CRTAC1: variants seen among roughly 807,000 people sequenced by gnomAD.
CRTAC1 encodes the protein acidic secreted protein in cartilage.
In CRTAC1, 37 loss-of-function variants were observed where a neutral mutation model predicts 67.8. That is an observed-to-expected ratio of 0.55 (90% CI 0.42 to 0.72). The LOEUF (loss-of-function observed/expected upper bound fraction) is 0.72, where lower values mean the gene tolerates loss of function less well. Among genes scored for constraint, CRTAC1 ranks in the 30% least tolerant of loss-of-function variants. The pLI, the probability that CRTAC1 is intolerant of heterozygous loss-of-function variation, is 0.00. For synonymous variants in CRTAC1, 348 were observed against 371.0 expected (o/e 0.94, Z 0.71); for missense variants, 780 against 931.6 (o/e 0.84, Z 2.12).
chr10:97,868,665 G>A (rs1237902014), intron 14 of CRTAC1: 1 of 152,232 alleles, frequency 6.6e-6, no homozygotes, highest in Non-Finnish European at 1.5e-5. Context: ...TCTCTAATAT[G>A]AGGGCAGGTT....
rs568641019 is a variant in CRTAC1, at chr10:97,938,195, G to A, written c.225-1829C>T. On this transcript the variant is annotated intron_variant, in intron 2 of 14. Transcript: ENST00000370597. ...TGTCTGAGGGCTGCATGTCCAGGGC[G>A]TGGCATGACCTATGGAGACGTGTCT... is the stretch of plus-strand genomic sequence containing the variant. Among the ~76,000 whole-genome samples the A allele has an allele frequency of 3.3e-5, 5 of 152,280 alleles. No individual in the cohort carries two copies. In the South Asian group the frequency reaches 8.3e-4, roughly 25 times the overall value.
chr10:98,005,100 A>ATATATATATTTTTTTTTT, intron 2 of CRTAC1, among the ~76,000 whole-genome samples: 15 of 48,880 alleles, frequency 3.1e-4, no homozygotes, highest in South Asian at 1.9e-3. Flanking sequence ...ATATATATAT[A>ATATATATATTTTTTTTTT]TTTTTTTTTT....
chr10:97,880,138 T>A (rs970089865), intron 14 of CRTAC1, 111 bp downstream of exon 14: 34 of 1,293,708 alleles, frequency 2.6e-5, no homozygotes, highest in Admixed American at 3.9e-5. Flanking sequence ...GGAGACTCTA[T>A]CCAGCCAGGA....
At chr10:97,997,368 G>A (rs973814454) in intron 2 of CRTAC1, among the ~76,000 whole-genome samples, 4 of 146,428 alleles carry the variant, frequency 2.7e-5, no homozygotes, top group East Asian at 2.0e-4. Context: ...CAGGAGAAAC[G>A]CTTGAACCTG....
chr10:97,901,258 C>T (rs1480975124), intron 8 of CRTAC1, among the ~76,000 whole-genome samples: 1 of 152,232 alleles, frequency 6.6e-6, no homozygotes, highest in Non-Finnish European at 1.5e-5. Context: ...CCACATTTCC[C>T]TTCCCTTTCC....
At position 97,895,464 on chromosome 10, in the gene CRTAC1, G is replaced by A. The variant is rs775322407; in HGVS notation, c.1318-51C>T. The A allele has an allele frequency of 8.0e-6, 12 of 1,508,136 alleles. No individual in the cohort carries two copies. The East Asian group carries it at 2.3e-4, about 29-fold the overall frequency. The allele number at this position is 1,508,136 out of a possible 1,614,324, so 93.4% of individuals were successfully genotyped here. Reference sequence around the variant, plus strand: ...CCCGGTGGGCATCAGCATGGTGGGTGGGAAGAGCAGGGAGCCAGGGAGGAC... The same window carrying A: ...CCCGGTGGGCATCAGCATGGTGGGTAGGAAGAGCAGGGAGCCAGGGAGGAC... On this transcript the variant is annotated intron_variant, in intron 10 of 14. Transcript: ENST00000370597. The surrounding 1 kb of genome is among the most constrained non-coding windows in gnomAD (Gnocchi z 4.2).
intron 2 of CRTAC1, among the ~76,000 whole-genome samples, chr10:97,985,780 T>C (rs2051971316): frequency 6.6e-6 from 1 of 152,228 alleles, no homozygotes; most frequent in Non-Finnish European, 1.5e-5. Flanking sequence ...TGCATGCATC[T>C]GGACCATTAT....
intron 11 of CRTAC1, among the ~76,000 whole-genome samples, chr10:97,889,529 C>T (rs895296371): frequency 1.4e-4 from 21 of 151,942 alleles, no homozygotes; most frequent in Admixed American, 2.6e-4. Flanking sequence ...GAGAGCTCTG[C>T]ACAACACAGT....
intron 2 of CRTAC1, among the ~76,000 whole-genome samples, chr10:97,937,144 T>C (rs1013969689): frequency 6.6e-6 from 1 of 152,186 alleles, no homozygotes; most frequent in Non-Finnish European, 1.5e-5. Context: ...TCACTACTTA[T>C]CTCTACTCTG....
intron 11 of CRTAC1, among the ~76,000 whole-genome samples, chr10:97,891,529 T>C (rs1011219188): frequency 6.6e-6 from 1 of 152,240 alleles, no homozygotes; most frequent in Admixed American, 6.5e-5. Flanking sequence ...TATGGCGGTG[T>C]GTCCAGATCT....
intron 2 of CRTAC1, among the ~76,000 whole-genome samples, chr10:97,990,591 C>A (rs965380364): frequency 2.0e-5 from 3 of 152,126 alleles, no homozygotes; most frequent in Non-Finnish European, 2.9e-5. Context: ...ATTATGAATT[C>A]TGATAAAAGA....
intron 3 of CRTAC1, among the ~76,000 whole-genome samples, chr10:97,934,983 C>T (rs1238971435): frequency 1.8e-3 from 262 of 144,824 alleles, no homozygotes; most frequent in African/African-American, 5.8e-3. Flanking sequence ...GAGCGGCGGG[C>T]GCGGCGGGGA....
intron 2 of CRTAC1, among the ~76,000 whole-genome samples, chr10:97,945,071 AG>A (rs2051242984): frequency 6.6e-6 from 1 of 152,384 alleles, no homozygotes; most frequent in South Asian, 2.1e-4. Context: ...AAAAGAAAGT[AG>A]ATAATGATGA....
intron 7 of CRTAC1, among the ~76,000 whole-genome samples, chr10:97,903,777 T>C (rs2050572583): frequency 6.6e-6 from 1 of 152,148 alleles, no homozygotes; most frequent in Non-Finnish European, 1.5e-5. Flanking sequence ...CCTCATGCTG[T>C]TGGCACCTCC....
rs866719793 is a variant in CRTAC1, at chr10:97,896,928, C to T, written c.1197G>A (p.Glu399=). The part of the protein sequence containing the change: ...IEELNPGDAL[E]PEGRGTGGVV... ...CCTCACCTGTGCCCCGGCCCTCAGG[C>T]TCCAAGGCGTCGCCGGGATTGAGCT... Residue 399 remains glutamate, a synonymous_variant, in exon 9 of 15, where the codon GAG becomes GAA. Coordinates refer to ENST00000370597, the MANE Select transcript of CRTAC1 (RefSeq NM_018058.7). 1 of 1,558,464 alleles carries T rather than the reference C, an allele frequency of 6.4e-7. No individual in the cohort carries two copies. The highest frequency in any genetic ancestry group is 8.7e-7 in the Non-Finnish European group (1 of 1,150,426).
chr10:97,909,113 G>T (rs2050653859), intron 5 of CRTAC1, among the ~76,000 whole-genome samples: 1 of 152,130 alleles, frequency 6.6e-6, no homozygotes, highest in Admixed American at 6.5e-5. Context: ...AAGAAATCAA[G>T]CCAGCTCCAC....
At chr10:97,961,248 T>C (rs1330207608) in intron 2 of CRTAC1, among the ~76,000 whole-genome samples, 1 of 152,178 alleles carries the variant, frequency 6.6e-6, no homozygotes, top group East Asian at 1.9e-4. Context: ...AACTTGTAAC[T>C]TCTATCTTCT....
rs185733593 is a variant in CRTAC1, at chr10:97,890,855, C to T, written c.1486+4390G>A. Among the ~76,000 whole-genome samples, 209 of 152,022 alleles carry T rather than the reference C, an allele frequency of 1.4e-3. 1 individual carries two copies. Among genetic ancestry groups the T allele is most frequent in the African/African-American group, 4.5e-3 (188 of 41,488 alleles). ...GCTAATTTTGTATTTTTAGTAGAGACGGGGTTTCTCCATGTTGGTCAGGCT... is the reference window on the plus strand; with the variant it reads ...GCTAATTTTGTATTTTTAGTAGAGATGGGGTTTCTCCATGTTGGTCAGGCT... On this transcript the variant is annotated intron_variant, in intron 11 of 14. Transcript: ENST00000370597.
intron 5 of CRTAC1, among the ~76,000 whole-genome samples, chr10:97,913,031 A>G (rs942193167): frequency 2.0e-5 from 3 of 152,140 alleles, no homozygotes; most frequent in Non-Finnish European, 4.4e-5. Context: ...GGTGAATGCC[A>G]TGATTCGCAG....
Sources: allele counts gnomAD v4.1 joint callset (sites outside exome capture counted in the v4.1 genomes callset), GRCh38; gene constraint gnomAD v4.1.1; non-coding constraint Gnocchi (gnomAD v3.1); transcripts MANE v1.5; gene names NCBI Gene and HGNC (gene_info 2026-07-23, HGNC 2026-07-21).